The following AGAP3 variants were observed in gnomAD, a reference collection of about 807,000 sequenced individuals.
AGAP3 encodes the protein ArfGAP with GTPase domain, ankyrin repeat and PH domain 3, also known as arf-GAP with GTPase, ANK repeat and PH domain-containing protein 3.
In AGAP3, 24 loss-of-function variants were observed where a neutral mutation model predicts 96.9. That is an observed-to-expected ratio of 0.25 (90% CI 0.18 to 0.35). The LOEUF (loss-of-function observed/expected upper bound fraction) is 0.35, where lower values mean the gene tolerates loss of function less well. AGAP3 is among the 10% of genes least tolerant of loss of function. The pLI, the probability that AGAP3 is intolerant of heterozygous loss-of-function variation, is 1.00. For missense variants in AGAP3, 876 were observed against 1,254.2 expected (o/e 0.70, Z 4.55); for synonymous variants, 563 against 536.1 (o/e 1.05, Z -0.69).
Position 151,087,232 on chromosome 7 carries a change from C to T in AGAP3, c.331+160C>T, listed in dbSNP as rs1798195017. 5.4e-6 allele frequency: 4 copies of T among 739,638 alleles called. No homozygotes were observed. The East Asian group carries it at 8.2e-5, about 15-fold the overall frequency. The allele number at this position is 739,638 out of a possible 1,614,324, so 45.8% of individuals were successfully genotyped here. On this transcript the variant is annotated intron_variant, in intron 1 of 17. Transcript: ENST00000397238. ...TTGCCGATCTGTGTTGCAGAACCGGCGGGCAGCTTCGCCATATCTCGTTCG... is the reference window on the plus strand; with the variant it reads ...TTGCCGATCTGTGTTGCAGAACCGGTGGGCAGCTTCGCCATATCTCGTTCG...
chr7:151,099,200 G>A (rs1015454023), intron 1 of AGAP3, among the ~76,000 whole-genome samples: 8 of 151,606 alleles, frequency 5.3e-5, no homozygotes, highest in African/African-American at 1.9e-4. Flanking sequence ...AAAATTAGCC[G>A]GGCATGGTGG....
At chr7:151,105,792 CCACACACACACACACACACA>C (rs60071807) in intron 1 of AGAP3, among the ~76,000 whole-genome samples, 1 of 26,930 alleles carries the variant, frequency 3.7e-5, no homozygotes, top group Non-Finnish European at 5.4e-5. Context: ...CCCCCCGACA[CCACACACACACACACACACA>C]CACACACACA....
At chr7:151,089,204 C>T (rs775722324) in intron 1 of AGAP3, among the ~76,000 whole-genome samples, 21 of 152,212 alleles carry the variant, frequency 1.4e-4, no homozygotes, top group Non-Finnish European at 2.8e-4. Context: ...TGCCCTATAT[C>T]CTTCCTGCGA....
intron 9 of AGAP3, among the ~76,000 whole-genome samples, chr7:151,127,117 A>T (rs1800210477): frequency 6.6e-6 from 1 of 152,178 alleles, no homozygotes; most frequent in Non-Finnish European, 1.5e-5. Flanking sequence ...GGAATCTCTT[A>T]TCCTAATGGC....
chr7:151,120,897 G>A (rs1799851005), intron 8 of AGAP3: 3 of 1,076,694 alleles, frequency 2.8e-6, no homozygotes, highest in Non-Finnish European at 2.3e-6. Flanking sequence ...GCGACACACA[G>A]TGCCCATCCA....
chr7:151,124,887 A>G (rs999358702), intron 9 of AGAP3, among the ~76,000 whole-genome samples: 1 of 152,082 alleles, frequency 6.6e-6, no homozygotes, highest in Non-Finnish European at 1.5e-5. Context: ...CGTGATCCGT[A>G]TTGTTTCCAC....
Position 151,141,365 on chromosome 7 carries a change from C to G in AGAP3, c.1805-533C>G, listed in dbSNP as rs1249078580. ...CTCCTCCTCTCCCCCATCCACTTGC[C>G]CTTCCTGCCTGTCTATGCCATGGTA... is the stretch of plus-strand genomic sequence containing the variant. On this transcript the variant is annotated intron_variant, in intron 13 of 17. Coordinates refer to ENST00000397238, the MANE Select transcript of AGAP3 (RefSeq NM_031946.7). The surrounding 1 kb of genome is among the most constrained non-coding windows in gnomAD (Gnocchi z 4.2). 5.8e-6 allele frequency: 1 copy of G among 173,478 alleles called. No individual in the cohort carries two copies. Among genetic ancestry groups the G allele is most frequent in the Non-Finnish European group, 1.2e-5 (1 of 81,250 alleles). 10.7% of individuals were successfully genotyped at this position (173,478 alleles called of 1,614,324 possible).
At chr7:151,098,767 G>GT (rs548302139) in intron 1 of AGAP3, among the ~76,000 whole-genome samples, 181 of 120,454 alleles carry the variant, frequency 1.5e-3, no homozygotes, top group Middle Eastern at 0.013. Flanking sequence ...CAGTCTTGCT[G>GT]TGTCACCCAG....
At chr7:151,112,327 GACT>G (rs1585063395) in intron 1 of AGAP3, 1 of 152,422 alleles carries the variant, frequency 6.6e-6, no homozygotes, top group Non-Finnish European at 1.5e-5. Context: ...GGTGCAGTGG[GACT>G]ACATGTCTTC....
rs1490694916 is a variant in AGAP3, at chr7:151,142,464, A to G, written c.2103A>G (p.Ser701=). ...NLGALMCIEC[S]GIHRHLGAHL... is the part of the protein sequence containing the mutation. The stretch of plus-strand genomic sequence containing the variant: ...GTGCCCTGATGTGCATTGAGTGCTC[A>G]GGCATCCACCGACACCTGGGGGCTC... Residue 701 remains serine, a synonymous_variant, in exon 16 of 18, where the codon TCA becomes TCG. Transcript: ENST00000397238. This position sits in a 1 kb window ranked among gnomAD's most constrained non-coding sequence, Gnocchi z 7.5. The G allele has an allele frequency of 1.9e-6, 3 of 1,613,944 alleles. No individual in the cohort carries two copies. The highest frequency in any genetic ancestry group is 1.7e-5 in the Admixed American group (1 of 60,022).
At chr7:151,115,244 C>A in intron 1 of AGAP3, 1 of 1,002,818 alleles carries the variant, frequency 1.0e-6, no homozygotes, top group Non-Finnish European at 1.2e-6. Flanking sequence ...TCCTGCGCGG[C>A]GCGGCGTTGT....
At chr7:151,094,599 A>G (rs1798524991) in intron 1 of AGAP3, among the ~76,000 whole-genome samples, 1 of 152,208 alleles carries the variant, frequency 6.6e-6, no homozygotes, top group South Asian at 2.1e-4. Context: ...AGTTGATATT[A>G]AAACATTTTT....
intron 1 of AGAP3, among the ~76,000 whole-genome samples, chr7:151,109,667 G>C (rs1358471776): frequency 6.6e-6 from 1 of 152,192 alleles, no homozygotes; most frequent in Non-Finnish European, 1.5e-5. Context: ...GGTCCTGGGG[G>C]TTAGGACTCA....
chr7:151,115,080 TC>T, intron 1 of AGAP3: 1 of 1,025,512 alleles, frequency 9.8e-7, no homozygotes, highest in Non-Finnish European at 1.2e-6. Flanking sequence ...CAGCCCCGCG[TC>T]CAGCCCCGCG....
In AGAP3 at chr7:151,120,883, A is replaced by G. The variant is rs1041228453; in HGVS notation, c.1128+738A>G. 10 of 1,114,810 alleles carry G rather than the reference A, an allele frequency of 9.0e-6. No homozygotes were observed. In the Admixed American group the frequency reaches 1.7e-4, roughly 19 times the overall value. 69.1% of individuals were successfully genotyped at this position (1,114,810 alleles called of 1,614,324 possible). ...AGGGCCTGCTGTCTCTCCACTCCCA[A>G]TGTGCGACACACAGTGCCCATCCAA... On this transcript the variant is annotated intron_variant, in intron 8 of 17. Transcript: ENST00000397238.
Position 151,118,577 on chromosome 7 carries a change from C to T in AGAP3, c.914C>T (p.Ser305Leu). 6.2e-7 allele frequency: 1 copy of T among 1,614,102 alleles called. No individual in the cohort carries two copies. Among genetic ancestry groups the T allele is most frequent in the Non-Finnish European group, 8.5e-7 (1 of 1,180,038 alleles). ...AIGPCKSLPN[S>L]PSHSAVSAAS... The stretch of plus-strand genomic sequence containing the variant: ...GGGCCCTGCAAGTCACTGCCCAACT[C>T]GCCCAGCCACTCGGCCGTGTCCGCC... Residue 305 changes from serine to leucine, a missense_variant, in exon 7 of 18, where the codon TCG (serine) becomes TTG (leucine). Transcript: ENST00000397238. The surrounding 1 kb of genome is among the most constrained non-coding windows in gnomAD (Gnocchi z 6.1).
rs184231778 is a variant in AGAP3 at position 151,128,778 on chromosome 7, C to T, written c.1326+94C>T. ...GGTAGCAGACAGGCTCCAGGATGGA[C>T]GGGAAGCAGACCTTAGTGATTTCAA... is the stretch of plus-strand genomic sequence containing the variant. On this transcript the variant is annotated intron_variant, in intron 10 of 17. Coordinates refer to ENST00000397238, the MANE Select transcript of AGAP3 (RefSeq NM_031946.7). 2.9e-4 allele frequency: 308 copies of T among 1,073,142 alleles called. 2 individuals are homozygous for T. The African/African-American group carries it at 3.8e-3, about 13-fold the overall frequency. 66.5% of individuals were successfully genotyped at this position (1,073,142 alleles called of 1,614,324 possible).
intron 1 of AGAP3, among the ~76,000 whole-genome samples, chr7:151,098,815 C>A (rs1018329618): frequency 3.4e-5 from 5 of 147,994 alleles, no homozygotes; most frequent in African/African-American, 5.1e-5. Context: ...TCACTAACAA[C>A]CTCCACCTCC....
chr7:151,089,062 C>T, intron 1 of AGAP3, among the ~76,000 whole-genome samples: 1 of 152,078 alleles, frequency 6.6e-6, no homozygotes, highest in Non-Finnish European at 1.5e-5. Flanking sequence ...TGCTGCCCTG[C>T]TGTCCCTCCC....
Sources: allele counts gnomAD v4.1 joint callset (sites outside exome capture counted in the v4.1 genomes callset), GRCh38; gene constraint gnomAD v4.1.1; non-coding constraint Gnocchi (gnomAD v3.1); transcripts MANE v1.5; gene names NCBI Gene and HGNC (gene_info 2026-07-23, HGNC 2026-07-21).